Variants in OSBP2 observed in about 807,000 individuals in gnomAD.
OSBP2 encodes the protein oxysterol binding protein 2.
Under a neutral mutation model 96.0 loss-of-function variants are expected in OSBP2, and 66 were observed. The observed-to-expected ratio is 0.69, with a 90% CI of 0.56 to 0.84. OSBP2 has a LOEUF of 0.84. Among genes scored for constraint, OSBP2 ranks in the 40% least tolerant of loss-of-function variants. OSBP2 has a pLI of 0.00. For missense variants in OSBP2, 1,038 were observed against 1,222.7 expected (o/e 0.85, Z 2.25); for synonymous variants, 525 against 520.9 (o/e 1.01, Z -0.11).
chr22:30,889,606 C>T lies in OSBP2; in HGVS notation c.1593C>T (p.Ile531=), dbSNP rs779497059. Residue 531 remains isoleucine, a synonymous_variant, in exon 7 of 14, where the codon ATC becomes ATT. Transcript: ENST00000332585. The part of the protein sequence containing the change: ...LNLWSIMKNC[I]GRELSRIPMP... ...TCTGGAGCATCATGAAGAACTGCAT[C>T]GGCCGGGAGCTCTCCAGGATCCCCA... The T allele has an allele frequency of 2.3e-5, 37 of 1,613,852 alleles. No individual in the cohort carries two copies. Among genetic ancestry groups the T allele is most frequent in the Non-Finnish European group, 2.9e-5 (34 of 1,180,016 alleles).
intron 12 of OSBP2, 108 bp downstream of exon 12, chr22:30,894,109 A>G (rs1343397316): frequency 8.1e-6 from 7 of 861,914 alleles, no homozygotes; most frequent in Non-Finnish European, 1.3e-5. Flanking sequence ...CAGTCCACAC[A>G]TGGGCAGAGA....
At chr22:30,724,635 C>T (rs1255990544) in intron 1 of OSBP2, among the ~76,000 whole-genome samples, 5 of 152,198 alleles carry the variant, frequency 3.3e-5, no homozygotes, top group Non-Finnish European at 1.5e-5. Context: ...ATTTTGGTTG[C>T]ATGCGTATTT....
intron 2 of OSBP2, among the ~76,000 whole-genome samples, chr22:30,772,389 C>T (rs899180267): frequency 6.6e-6 from 1 of 152,202 alleles, no homozygotes; most frequent in Non-Finnish European, 1.5e-5. Context: ...GGAAGACCTG[C>T]AGCCACAAAT....
chr22:30,794,008 C>T lies in OSBP2; in HGVS notation c.853+52639C>T, dbSNP rs139182439. On this transcript the variant is annotated intron_variant, in intron 2 of 13. Coordinates refer to ENST00000332585, the MANE Select transcript of OSBP2 (RefSeq NM_030758.4). Reference sequence around the variant, plus strand: ...GCTTTTAAAAGGAAGGAAATTCTGACACATGCCATAACATGGACATCCTTC... The same window carrying T: ...GCTTTTAAAAGGAAGGAAATTCTGATACATGCCATAACATGGACATCCTTC... 4.8e-3 allele frequency among the ~76,000 whole-genome samples: 737 copies of T among 152,296 alleles called. 8 individuals carry two copies. The highest frequency in any genetic ancestry group is 0.017 in the African/African-American group (712 of 41,582).
In OSBP2 at chr22:30,694,903, C is replaced by G. The variant is rs764935927; in HGVS notation, c.-7C>G. The G allele has an allele frequency of 8.4e-6, 11 of 1,309,486 alleles. No homozygotes were observed. The highest frequency in any genetic ancestry group is 3.8e-5 in the South Asian group (2 of 52,572). 81.1% of individuals were successfully genotyped at this position (1,309,486 alleles called of 1,614,324 possible). A position where few individuals can be genotyped will look rare whatever the true frequency, so the allele number is the denominator to read the frequency against. ...GCCGCTCGGCCGCGCGCGGGTCGGC[C>G]GGCTCTATGGGGAAAGCGGCGGCTC... On this transcript the variant is annotated 5_prime_UTR_variant, in exon 1 of 14. Coordinates refer to ENST00000332585, the MANE Select transcript of OSBP2 (RefSeq NM_030758.4).
At chr22:30,885,465 G>A (rs2039789803) in intron 3 of OSBP2, among the ~76,000 whole-genome samples, 1 of 152,196 alleles carries the variant, frequency 6.6e-6, no homozygotes, top group Non-Finnish European at 1.5e-5. Flanking sequence ...AACCATCTGT[G>A]GACCTGGGAA....
At chr22:30,734,511 T>A (rs1245192010) in intron 1 of OSBP2, among the ~76,000 whole-genome samples, 1 of 152,162 alleles carries the variant, frequency 6.6e-6, no homozygotes. Flanking sequence ...CCTGGAAGCT[T>A]AACCTTCATA....
chr22:30,738,893 G>A (rs1032842044), intron 1 of OSBP2, among the ~76,000 whole-genome samples: 2 of 152,164 alleles, frequency 1.3e-5, no homozygotes, highest in African/African-American at 2.4e-5. Context: ...CGAGTCATTT[G>A]ACTTTAGAAC....
intron 1 of OSBP2, among the ~76,000 whole-genome samples, chr22:30,696,912 G>A (rs992433997): frequency 6.6e-5 from 10 of 152,100 alleles, no homozygotes; most frequent in Non-Finnish European, 4.4e-5. Context: ...GCCTGCCTCG[G>A]CCTCCCAAAG....
intron 1 of OSBP2, among the ~76,000 whole-genome samples, chr22:30,717,710 T>G (rs561316341): frequency 5.1e-4 from 77 of 152,310 alleles, no homozygotes; most frequent in African/African-American, 1.9e-3. Flanking sequence ...ACTTAGAGTC[T>G]CCTTATTCAT....
chr22:30,831,103 T>C (rs948641636), intron 2 of OSBP2, among the ~76,000 whole-genome samples: 3 of 152,216 alleles, frequency 2.0e-5, no homozygotes, highest in Admixed American at 6.5e-5. Context: ...TTGCCAAGAA[T>C]GCAATCGCTG....
chr22:30,730,768 CTCTCTCTATATA>C (rs1569100414), intron 1 of OSBP2, among the ~76,000 whole-genome samples: 4 of 32,560 alleles, frequency 1.2e-4, no homozygotes, highest in African/African-American at 3.5e-4. Flanking sequence ...CTCTCTCTCT[CTCTCTCTATATA>C]TATATATATA....
intron 3 of OSBP2, among the ~76,000 whole-genome samples, chr22:30,885,103 T>C (rs1471160799): frequency 6.6e-6 from 1 of 152,122 alleles, no homozygotes; most frequent in Non-Finnish European, 1.5e-5. Context: ...CTCCTGATAT[T>C]TCCTCAACAG....
chr22:30,820,826 C>T (rs578235126), intron 2 of OSBP2, among the ~76,000 whole-genome samples: 7 of 152,222 alleles, frequency 4.6e-5, no homozygotes, highest in African/African-American at 1.2e-4. Context: ...TCCCCCTGCC[C>T]GGCCAGTGAA....
At chr22:30,840,789 G>T (rs2038737393) in intron 2 of OSBP2, among the ~76,000 whole-genome samples, 1 of 151,980 alleles carries the variant, frequency 6.6e-6, no homozygotes, top group Non-Finnish European at 1.5e-5. Flanking sequence ...CATACAAAGT[G>T]CTGCATACAT....
At chr22:30,708,956 C>T (rs917150826) in intron 1 of OSBP2, among the ~76,000 whole-genome samples, 14 of 151,484 alleles carry the variant, frequency 9.2e-5, no homozygotes, top group African/African-American at 1.7e-4. Context: ...AAAAATTAGC[C>T]GGGTATGGTG....
chr22:30,818,863 C>T (rs1307029185), intron 2 of OSBP2, among the ~76,000 whole-genome samples: 1 of 152,174 alleles, frequency 6.6e-6, no homozygotes, highest in African/African-American at 2.4e-5. Context: ...TCAAAGTGAA[C>T]AGAGCAACCA....
At position 30,873,732 on chromosome 22, in the gene OSBP2, G is replaced by A. The variant is rs112525450; in HGVS notation, c.1107+3050G>A. On this transcript the variant is annotated intron_variant, in intron 3 of 13. Transcript: ENST00000332585. ...CAGACCCTCTTCCTCGTGAAATGCT[G>A]TGTGTTTTCCACTTTGTGGGCTCTG... Among the ~76,000 whole-genome samples, 113 of 152,348 alleles carry A rather than the reference G, an allele frequency of 7.4e-4. No homozygotes were observed. The Middle Eastern group carries it at 0.01, about 14-fold the overall frequency.
Position 30,695,272 on chromosome 22 carries a change from G to T in OSBP2, c.363G>T (p.Lys121Asn), listed in dbSNP as rs1335725852. 3.7e-6 allele frequency: 6 copies of T among 1,613,418 alleles called. No homozygotes were observed. In the African/African-American group the frequency reaches 8.0e-5, roughly 21 times the overall value. ...SSGVGAGPFT[K>N]AASEPLSRAV... ...GTGTAGGGGCTGGGCCCTTCACTAA[G>T]GCCGCATCGGAGCCGCTCTCCCGGG... The change falls in exon 1 of 14, where the codon AAG becomes AAT. Residue 121 changes from lysine to asparagine, a missense_variant. Lys to Asn is a moderately conservative substitution (Grantham distance 94, BLOSUM62 0). Around this residue, in one of 3 missense-constraint regions of OSBP2, gnomAD observed 281 missense variants for 273.4 expected, o/e 1.03. Transcript: ENST00000332585.
Sources: gnomAD v4.1 joint callset for allele counts (sites outside exome capture counted in the v4.1 genomes callset) on GRCh38, gnomAD v4.1.1 for gene constraint, gnomAD v4.1.1 regional missense constraint, MANE v1.5 for transcripts, NCBI Gene and HGNC (gene_info 2026-07-23, HGNC 2026-07-21) for gene names.